Variants in TERF2IP observed in about 807,000 individuals in gnomAD.
The protein encoded by TERF2IP is telomeric repeat-binding factor 2-interacting protein 1.
Under a neutral mutation model 33.3 loss-of-function variants are expected in TERF2IP, and 35 were observed. The observed-to-expected ratio is 1.05, with a 90% CI of 0.80 to 1.39. The LOEUF is 1.39. Ranked by LOEUF, TERF2IP falls within the 40% of genes most tolerant of loss-of-function variation. The pLI, the probability that TERF2IP is intolerant of heterozygous loss-of-function variation, is 0.00. For synonymous variants in TERF2IP, 253 were observed against 223.2 expected (o/e 1.13, Z -1.19); for missense variants, 583 against 524.8 (o/e 1.11, Z -1.08).
intron 2 of TERF2IP, 72 bp downstream of exon 2, chr16:75,654,469 A>C: frequency 6.7e-7 from 1 of 1,497,996 alleles, no homozygotes; most frequent in Non-Finnish European, 9.1e-7. Flanking sequence ...TATCCTGTAC[A>C]CCTTTTTCAT....
chr16:75,648,462 A>G lies in TERF2IP; in HGVS notation c.580A>G (p.Lys194Glu). 1.3e-6 allele frequency: 2 copies of G among 1,599,640 alleles called. No individual in the cohort carries two copies. The highest frequency in any genetic ancestry group is 1.3e-5 in the African/African-American group (1 of 74,964). ...CAAGCACCTGCGGGGCCAGGAGCAT[A>G]AGTACCTGCTGGGGGACGCGCCGGT... Reference protein sequence around the residue: ...YLKHLRGQEHKYLLGDAPVSP... With the variant: ...YLKHLRGQEHEYLLGDAPVSP... Residue 194 changes from lysine to glutamate, a missense_variant, in exon 1 of 3, where the codon AAG (lysine) becomes GAG (glutamate). Coordinates refer to ENST00000300086, the MANE Select transcript of TERF2IP (RefSeq NM_018975.4).
rs1471951538 is a variant in TERF2IP at position 75,648,267 on chromosome 16, C to CG, written c.387dup (p.His130AlafsTer32). Reference sequence around the variant, plus strand: ...GGGCGCCGCGGAGCCGGAGCCGCAGCGGCACGCCGGGCGGATCGCCTTCAC... The same window carrying CG: ...GGGCGCCGCGGAGCCGGAGCCGCAGCGGGCACGCCGGGCGGATCGCCTTCAC... On this transcript the variant is annotated frameshift_variant, in exon 1 of 3. Coordinates refer to ENST00000300086, the MANE Select transcript of TERF2IP (RefSeq NM_018975.4). LOFTEE classifies it high-confidence loss of function. 50 of 1,548,556 alleles carry CG rather than the reference C, an allele frequency of 3.2e-5. No individual in the cohort carries two copies. The highest frequency in any genetic ancestry group is 4.1e-5 in the Non-Finnish European group (47 of 1,145,782).
intron 1 of TERF2IP, among the ~76,000 whole-genome samples, chr16:75,649,319 G>A (rs1456698230): frequency 6.6e-6 from 1 of 152,134 alleles, no homozygotes. Context: ...CGAGGCGGGC[G>A]GATCACCTGA....
chr16:75,648,365 C>G lies in TERF2IP; in HGVS notation c.483C>G (p.Asn161Lys). The G allele has an allele frequency of 6.2e-7, 1 of 1,603,058 alleles. No individual in the cohort carries two copies. The highest frequency in any genetic ancestry group is 8.5e-7 in the Non-Finnish European group (1 of 1,175,290). Residue 161 changes from asparagine (N) to lysine (K), a missense_variant, in exon 1 of 3, where the codon AAC becomes AAG. Asn to Lys is a moderately conservative substitution (Grantham distance 94). Coordinates refer to ENST00000300086, the MANE Select transcript of TERF2IP (RefSeq NM_018975.4). ...GCTCGCCCAGCTCCGTCACCGGTAA[C>G]GCCTTGTGGAAAGCGATGGAGAAGA... ...NARSPSSVTG[N>K]ALWKAMEKSS...
intron 1 of TERF2IP, among the ~76,000 whole-genome samples, chr16:75,653,417 G>A (rs561513865): frequency 6.6e-6 from 1 of 152,058 alleles, no homozygotes; most frequent in Non-Finnish European, 1.5e-5. Flanking sequence ...TTTTAACATA[G>A]GTAAATTTTT....
Position 75,657,102 on chromosome 16 carries a change from T to A in TERF2IP, c.*491T>A, listed in dbSNP as rs928683364. The A allele has an allele frequency of 6.5e-6, 1 of 152,682 alleles. No homozygotes were observed. Among genetic ancestry groups the A allele is most frequent in the African/African-American group, 2.4e-5 (1 of 41,462 alleles). 9.5% of individuals were successfully genotyped at this position (152,682 alleles called of 1,614,324 possible). Reference sequence around the variant, plus strand: ...CGGATTATCCCCAAACCCTTGTCATTTCCCCCAGTGAGCTCTGATTTCTAG... The same window carrying A: ...CGGATTATCCCCAAACCCTTGTCATATCCCCCAGTGAGCTCTGATTTCTAG... On this transcript the variant is annotated 3_prime_UTR_variant, in exon 3 of 3. Coordinates refer to ENST00000300086, the MANE Select transcript of TERF2IP (RefSeq NM_018975.4).
intron 1 of TERF2IP, 128 bp downstream of exon 1, chr16:75,648,680 C>G (rs965409836): frequency 1.7e-5 from 24 of 1,433,036 alleles, no homozygotes; most frequent in Middle Eastern, 3.6e-4. Flanking sequence ...TGTTGACATC[C>G]GGGTAAATTT....
At chr16:75,653,895 T>A (rs1193805444) in intron 1 of TERF2IP, among the ~76,000 whole-genome samples, 1 of 152,166 alleles carries the variant, frequency 6.6e-6, no homozygotes, top group Non-Finnish European at 1.5e-5. Flanking sequence ...TTCCCAATTC[T>A]TTAAATTTCC....
Position 75,654,290 on chromosome 16 carries a change from A to G in TERF2IP, c.688A>G (p.Thr230Ala). 1 of 1,613,636 alleles carries G rather than the reference A, an allele frequency of 6.2e-7. No homozygotes were observed. Among genetic ancestry groups the G allele is most frequent in the South Asian group, 1.1e-5 (1 of 91,050 alleles). ...TTTAACAGAACCACAGAATAAGAGA[A>G]CTCCAGATTTGCCTGAAGAAGAGTA... ...ADSGEPQNKR[T>A]PDLPEEEYVK... Residue 230 changes from threonine (T) to alanine (A), a missense_variant, in exon 2 of 3, where the codon ACT becomes GCT. Transcript: ENST00000300086.
chr16:75,648,405 C>T lies in TERF2IP; in HGVS notation c.523C>T (p.His175Tyr), dbSNP rs1320445521. The T allele has an allele frequency of 1.2e-6, 2 of 1,607,512 alleles. No individual in the cohort carries two copies. The highest frequency in any genetic ancestry group is 1.1e-5 in the South Asian group (1 of 89,618). Reference sequence around the variant, plus strand: ...GATGGAGAAGAGCTCGCTCACGCAGCACTCGTGGCAGTCCCTGAAGGACCG... The same window carrying T: ...GATGGAGAAGAGCTCGCTCACGCAGTACTCGTGGCAGTCCCTGAAGGACCG... The part of the protein sequence containing the change: ...KAMEKSSLTQ[H>Y]SWQSLKDRYL... The change falls in exon 1 of 3, where the codon CAC becomes TAC. Residue 175 changes from histidine to tyrosine, a missense_variant. His to Tyr is a moderately conservative substitution (Grantham distance 83). Coordinates refer to ENST00000300086, the MANE Select transcript of TERF2IP (RefSeq NM_018975.4).
In TERF2IP at chr16:75,647,830, T is replaced by C. The variant is rs1353032184; in HGVS notation, c.-53T>C. 1.9e-6 allele frequency: 3 copies of C among 1,596,122 alleles called. No individual in the cohort carries two copies. The highest frequency in any genetic ancestry group is 1.1e-5 in the South Asian group (1 of 90,064). ...TGACAGCTCAGTCAGTTGAGCTCTGTGTGCCAGGCGCTCGCGAGGGGGTAG... is the reference window on the plus strand; with the variant it reads ...TGACAGCTCAGTCAGTTGAGCTCTGCGTGCCAGGCGCTCGCGAGGGGGTAG... On this transcript the variant is annotated 5_prime_UTR_variant, in exon 1 of 3. Coordinates refer to ENST00000300086, the MANE Select transcript of TERF2IP (RefSeq NM_018975.4).
In TERF2IP at chr16:75,656,203, C is replaced by G. The variant is rs748433071; in HGVS notation, c.796-4C>G. On this transcript the variant is annotated splice_polypyrimidine_tract_variant and splice_region_variant and intron_variant, in intron 2 of 2. Coordinates refer to ENST00000300086, the MANE Select transcript of TERF2IP (RefSeq NM_018975.4). ...GAGCTGGTTTTACTCATCATTCTGT[C>G]TAGGTGGATGAGAGCCCTCCTGATT... The G allele has an allele frequency of 5.6e-6, 9 of 1,598,166 alleles. No individual in the cohort carries two copies. In the African/African-American group the frequency reaches 6.7e-5, roughly 12 times the overall value.
chr16:75,655,729 T>C (rs2082379569), intron 2 of TERF2IP, among the ~76,000 whole-genome samples: 1 of 152,230 alleles, frequency 6.6e-6, no homozygotes, highest in Admixed American at 6.5e-5. Flanking sequence ...TTTTGAGTAC[T>C]TACTATGTAT....
intron 1 of TERF2IP, among the ~76,000 whole-genome samples, chr16:75,653,420 A>G (rs2082361286): frequency 1.3e-5 from 2 of 152,202 alleles, no homozygotes; most frequent in South Asian, 4.1e-4. Flanking sequence ...TAACATAGGT[A>G]AATTTTTGTA....
At chr16:75,655,338 T>G (rs1480237851) in intron 2 of TERF2IP, among the ~76,000 whole-genome samples, 1 of 152,224 alleles carries the variant, frequency 6.6e-6, no homozygotes, top group Non-Finnish European at 1.5e-5. Flanking sequence ...AGCCATACAA[T>G]AATGATAAGT....
At chr16:75,650,129 T>A (rs1277925365) in intron 1 of TERF2IP, among the ~76,000 whole-genome samples, 2 of 152,212 alleles carry the variant, frequency 1.3e-5, no homozygotes, top group African/African-American at 2.4e-5. Flanking sequence ...TGCTGGAATA[T>A]AACAATAAAT....
chr16:75,651,829 T>C (rs2082349601), intron 1 of TERF2IP, among the ~76,000 whole-genome samples: 1 of 152,154 alleles, frequency 6.6e-6, no homozygotes, highest in African/African-American at 2.4e-5. Context: ...TGAATTGAGA[T>C]AGCTTCCATT....
chr16:75,650,869 G>T (rs1248359288), intron 1 of TERF2IP, among the ~76,000 whole-genome samples: 7 of 152,074 alleles, frequency 4.6e-5, no homozygotes, highest in Admixed American at 4.6e-4. Flanking sequence ...TGATGTTGGG[G>T]CTATTGGCAA....
At position 75,656,484 on chromosome 16, in the gene TERF2IP, G is replaced by T; in HGVS notation, c.1073G>T (p.Gly358Val). 6.2e-7 allele frequency: 1 copy of T among 1,614,226 alleles called. No homozygotes were observed. Among genetic ancestry groups the T allele is most frequent in the Non-Finnish European group, 8.5e-7 (1 of 1,180,052 alleles). ...AFLASGQRAD[G>V]YPIWSRQDDI... Reference sequence around the variant, plus strand: ...TTAGCGTCTGGTCAGAGAGCTGATGGATATCCCATTTGGTCCCGACAAGAT... The same window carrying T: ...TTAGCGTCTGGTCAGAGAGCTGATGTATATCCCATTTGGTCCCGACAAGAT... The change falls in exon 3 of 3, where the codon GGA becomes GTA. Residue 358 changes from glycine to valine, a missense_variant. By Grantham distance (109) the Gly-to-Val change is moderately radical. Coordinates refer to ENST00000300086, the MANE Select transcript of TERF2IP (RefSeq NM_018975.4).
Sources: gnomAD v4.1 joint callset for allele counts (sites outside exome capture counted in the v4.1 genomes callset) on GRCh38, gnomAD v4.1.1 for gene constraint, MANE v1.5 for transcripts, NCBI Gene and HGNC (gene_info 2026-07-23, HGNC 2026-07-21) for gene names.